The following NKAIN2 variants were observed in gnomAD, a reference collection of about 807,000 sequenced individuals.
NKAIN2 encodes the protein sodium/potassium transporting ATPase interacting 2.
Under a neutral mutation model 32.6 loss-of-function variants are expected in NKAIN2, and 14 were observed. The ratio of observed to expected loss-of-function variants is 0.43; its 90% CI spans 0.28 to 0.67. The LOEUF (loss-of-function observed/expected upper bound fraction) is 0.67. Among genes scored for constraint, NKAIN2 ranks in the 30% least tolerant of loss-of-function variants. The pLI is 0.17. For synonymous variants in NKAIN2, 80 were observed against 87.2 expected (o/e 0.92, Z 0.46); for missense variants, 198 against 258.3 (o/e 0.77, Z 1.60).
chr6:124,692,257 TAAAC>T (rs987759398), intron 4 of NKAIN2, among the ~76,000 whole-genome samples: 9 of 152,184 alleles, frequency 5.9e-5, no homozygotes, highest in South Asian at 2.1e-4. Context: ...ATGGAAGTAA[TAAAC>T]AAAAATAACT....
intron 1 of NKAIN2, among the ~76,000 whole-genome samples, chr6:124,227,096 A>G (rs558960579): frequency 6.6e-6 from 1 of 151,224 alleles, no homozygotes; most frequent in African/African-American, 2.4e-5. Flanking sequence ...GCAAAAAAAA[A>G]AAAGAAAAAG....
At chr6:124,217,206 C>G (rs1020637362) in intron 1 of NKAIN2, among the ~76,000 whole-genome samples, 1 of 151,934 alleles carries the variant, frequency 6.6e-6, no homozygotes, top group Non-Finnish European at 1.5e-5. Context: ...AAGTGGTGGC[C>G]TACAGAAGCA....
At chr6:124,687,006 C>T (rs1773919914) in intron 4 of NKAIN2, among the ~76,000 whole-genome samples, 1 of 151,944 alleles carries the variant, frequency 6.6e-6, no homozygotes. Context: ...ATACTTCCTG[C>T]CCTTGAACAT....
At chr6:124,019,657 GATAA>G (rs1301143722) in intron 1 of NKAIN2, among the ~76,000 whole-genome samples, 2 of 151,972 alleles carry the variant, frequency 1.3e-5, no homozygotes, top group African/African-American at 4.8e-5. Flanking sequence ...TTCTAGAAAG[GATAA>G]ATATTTTATA....
intron 4 of NKAIN2, among the ~76,000 whole-genome samples, chr6:124,660,082 A>T (rs1474538911): frequency 1.3e-5 from 2 of 152,154 alleles, no homozygotes; most frequent in Non-Finnish European, 2.9e-5. Context: ...TCAAGTAATC[A>T]TTATCACATG....
chr6:123,818,799 A>G (rs750714073), intron 1 of NKAIN2, among the ~76,000 whole-genome samples: 16 of 152,210 alleles, frequency 1.1e-4, no homozygotes, highest in Admixed American at 6.5e-4. Context: ...GGAAATTCAT[A>G]TATCACCTCA....
intron 1 of NKAIN2, among the ~76,000 whole-genome samples, chr6:123,865,694 TTAAG>T (rs1362448000): frequency 1.3e-5 from 2 of 152,182 alleles, no homozygotes; most frequent in African/African-American, 2.4e-5. Flanking sequence ...TATGTACTAG[TTAAG>T]TAACCCCTCA....
At chr6:123,863,631 G>C (rs1327643400) in intron 1 of NKAIN2, among the ~76,000 whole-genome samples, 1 of 151,930 alleles carries the variant, frequency 6.6e-6, no homozygotes, top group African/African-American at 2.4e-5. Flanking sequence ...CTCTTGGCCT[G>C]TGGGCACCAT....
At chr6:124,659,756 A>C (rs192219212) in intron 4 of NKAIN2, among the ~76,000 whole-genome samples, 212 of 151,986 alleles carry the variant, frequency 1.4e-3, no homozygotes, top group Non-Finnish European at 2.5e-3. Context: ...GCTTGGGAGG[A>C]AGGCTCATTG....
intron 3 of NKAIN2, among the ~76,000 whole-genome samples, chr6:124,655,301 C>T (rs1400989790): frequency 6.6e-6 from 1 of 152,068 alleles, no homozygotes; most frequent in Non-Finnish European, 1.5e-5. Flanking sequence ...GAGGCACTTA[C>T]TCATGTCTTG....
At chr6:124,495,308 G>C (rs1236328471) in intron 3 of NKAIN2, among the ~76,000 whole-genome samples, 1 of 152,064 alleles carries the variant, frequency 6.6e-6, no homozygotes, top group Non-Finnish European at 1.5e-5. Context: ...AATTGAATGT[G>C]AGATTTTTGC....
intron 1 of NKAIN2, among the ~76,000 whole-genome samples, chr6:124,183,486 G>GTA (rs1789555949): frequency 6.6e-6 from 1 of 151,932 alleles, no homozygotes; most frequent in African/African-American, 2.4e-5. Context: ...TAATCCTTGA[G>GTA]TATATGTTTC....
chr6:124,517,940 T>G (rs1281654397), intron 3 of NKAIN2, among the ~76,000 whole-genome samples: 1 of 152,162 alleles, frequency 6.6e-6, no homozygotes. Flanking sequence ...AACCTTCATG[T>G]TACATTGACT....
At chr6:124,719,060 TCTG>T (rs931913326) in intron 4 of NKAIN2, among the ~76,000 whole-genome samples, 1 of 152,210 alleles carries the variant, frequency 6.6e-6, no homozygotes, top group Admixed American at 6.5e-5. Flanking sequence ...AGTTTTTCTG[TCTG>T]CTAATTTATT....
chr6:124,735,752 G>A (rs906749896), intron 4 of NKAIN2, among the ~76,000 whole-genome samples: 8 of 151,594 alleles, frequency 5.3e-5, no homozygotes, highest in African/African-American at 1.7e-4. Flanking sequence ...ATGTTTTGGG[G>A]GTGCCACAAT....
intron 1 of NKAIN2, among the ~76,000 whole-genome samples, chr6:124,073,925 C>G (rs1284377577): frequency 1.3e-5 from 2 of 152,164 alleles, no homozygotes; most frequent in Non-Finnish European, 2.9e-5. Flanking sequence ...TTTTATGAAA[C>G]ATTGTATTTG....
At chr6:124,262,980 A>G (rs1794320075) in intron 1 of NKAIN2, among the ~76,000 whole-genome samples, 1 of 152,186 alleles carries the variant, frequency 6.6e-6, no homozygotes, top group Non-Finnish European at 1.5e-5. Context: ...AAGGGATATT[A>G]CAAGTATTAA....
chr6:124,705,356 C>G (rs1382170383), intron 4 of NKAIN2, among the ~76,000 whole-genome samples: 1 of 152,086 alleles, frequency 6.6e-6, no homozygotes, highest in African/African-American at 2.4e-5. Context: ...GAGGAATAAT[C>G]TGCTGTTAGA....
At chr6:123,822,557 C>T (rs9401700) in intron 1 of NKAIN2, among the ~76,000 whole-genome samples, 42,114 of 151,872 alleles carry the variant, frequency 0.28, 8,335 homozygotes, top group East Asian at 0.56. Flanking sequence ...AAATGGGTAA[C>T]ATTTACATGG....
Sources: gnomAD v4.1 joint callset for allele counts (sites outside exome capture counted in the v4.1 genomes callset) on GRCh38, gnomAD v4.1.1 for gene constraint, MANE v1.5 for transcripts, NCBI Gene and HGNC (gene_info 2026-07-23, HGNC 2026-07-21) for gene names.